The following SUZ12 variants were observed in gnomAD, a reference collection of about 807,000 sequenced individuals.
The protein encoded by SUZ12 is SUZ12 polycomb repressive complex 2 subunit.
In SUZ12, 17 loss-of-function variants were observed where a neutral mutation model predicts 87.3. The observed-to-expected ratio is 0.19, with a 90% confidence interval of 0.13 to 0.29. The LOEUF (loss-of-function observed/expected upper bound fraction) is 0.29, where lower values mean the gene tolerates loss of function less well. Among genes scored for constraint, SUZ12 ranks in the 10% least tolerant of loss-of-function variants. The pLI is 1.00. For synonymous variants in SUZ12, 253 were observed against 312.4 expected (o/e 0.81, Z 2.01); for missense variants, 526 against 912.2 (o/e 0.58, Z 5.45).
At chr17:31,997,895 A>T (rs1304226381) in intron 15 of SUZ12, among the ~76,000 whole-genome samples, 2 of 152,022 alleles carry the variant, frequency 1.3e-5, no homozygotes, top group African/African-American at 4.8e-5. Context: ...TTACCATTTC[A>T]TAGAGGTGAA....
At chr17:31,976,841 A>G (rs930890285) in intron 8 of SUZ12, among the ~76,000 whole-genome samples, 28 of 152,144 alleles carry the variant, frequency 1.8e-4, no homozygotes, top group Non-Finnish European at 3.1e-4. Context: ...TTTGGCGAAT[A>G]TTTTCTGAGT....
intron 10 of SUZ12, among the ~76,000 whole-genome samples, chr17:31,990,206 C>T (rs1423378503): frequency 6.7e-6 from 1 of 148,520 alleles, no homozygotes; most frequent in Non-Finnish European, 1.5e-5. Context: ...ATCTCCTGAC[C>T]TCATGGTCTG....
At chr17:31,960,000 A>AT (rs1276408986) in intron 4 of SUZ12, among the ~76,000 whole-genome samples, 1 of 152,152 alleles carries the variant, frequency 6.6e-6, no homozygotes, top group African/African-American at 2.4e-5. Flanking sequence ...TGTAAACTAG[A>AT]TTTTTTTGTG....
intron 1 of SUZ12, 41 bp downstream of exon 1, chr17:31,937,561 T>A (rs756202707): frequency 2.6e-6 from 4 of 1,528,526 alleles, no homozygotes; most frequent in Non-Finnish European, 3.5e-6. Flanking sequence ...AGACCCACTC[T>A]GCCAACACCG....
chr17:31,988,401 T>C lies in SUZ12; in HGVS notation c.1105T>C (p.Ser369Pro). Residue 369 changes from serine (S) to proline (P), a missense_variant, in exon 10 of 16, where the codon TCT becomes CCT. Around this residue, in one of 9 missense-constraint regions of SUZ12, gnomAD observed 85 missense variants for 87.4 expected, o/e 0.97. Coordinates refer to ENST00000322652, the MANE Select transcript of SUZ12 (RefSeq NM_015355.4). ...LRWTGETNDKSTAPIAKPLAT... is the reference protein window; with the variant it reads ...LRWTGETNDKPTAPIAKPLAT... ...TTGGACAGGAGAGACCAATGATAAA[T>C]CTACGGCTCCTATTGCCAAACCTCT... 6.2e-7 allele frequency: 1 copy of C among 1,613,914 alleles called. No individual in the cohort carries two copies. Among genetic ancestry groups the C allele is most frequent in the South Asian group, 1.1e-5 (1 of 90,990 alleles).
rs918390606 is a variant in SUZ12 at position 31,999,108 on chromosome 17, C to G, written c.*105C>G. 1.3e-5 allele frequency: 12 copies of G among 931,408 alleles called. No homozygotes were observed. The highest frequency in any genetic ancestry group is 1.7e-5 in the Non-Finnish European group (11 of 653,184). The allele number at this position is 931,408 out of a possible 1,614,324, so 57.7% of individuals were successfully genotyped here. ...TTTAATCATATGTTCCAAACAGGCA[C>G]TGTTAGATGAAGTAAATGATTTCAA... On this transcript the variant is annotated 3_prime_UTR_variant, in exon 16 of 16. Coordinates refer to ENST00000322652, the MANE Select transcript of SUZ12 (RefSeq NM_015355.4).
In SUZ12 at chr17:31,976,522, T is replaced by A. The variant is rs376946641; in HGVS notation, c.825T>A (p.Asp275Glu). ...ATGAGAAATGTTTGTTAAATTTAGA[T>A]GTCAATGAAGAGCTTCCAGCCAGAA... is the stretch of plus-strand genomic sequence containing the variant. Reference protein sequence around the residue: ...MINGETNENIDVNEELPARRK... With the variant: ...MINGETNENIEVNEELPARRK... Residue 275 changes from aspartate to glutamate, a missense_variant and splice_region_variant, in exon 8 of 16, where the codon GAT becomes GAA. Asp to Glu is a conservative substitution (Grantham distance 45). Coordinates refer to ENST00000322652, the MANE Select transcript of SUZ12 (RefSeq NM_015355.4). The A allele has an allele frequency of 2.1e-5, 34 of 1,611,382 alleles. No homozygotes were observed. Among genetic ancestry groups the A allele is most frequent in the Non-Finnish European group, 2.9e-5 (34 of 1,178,434 alleles).
At chr17:31,964,947 A>C (rs759665489) in intron 4 of SUZ12, among the ~76,000 whole-genome samples, 1 of 151,778 alleles carries the variant, frequency 6.6e-6, no homozygotes. Context: ...GCGCCATTGC[A>C]CTCCAACCTG....
At chr17:31,971,744 T>A (rs889378008) in intron 5 of SUZ12, among the ~76,000 whole-genome samples, 7 of 152,162 alleles carry the variant, frequency 4.6e-5, no homozygotes, top group Non-Finnish European at 8.8e-5. Flanking sequence ...TGCAACTGTT[T>A]TCATTTATGC....
chr17:31,977,004 G>A (rs2094685342), intron 8 of SUZ12, among the ~76,000 whole-genome samples: 1 of 152,186 alleles, frequency 6.6e-6, no homozygotes, highest in Non-Finnish European at 1.5e-5. Context: ...GAAAAATAGA[G>A]AATAAATGGT....
At chr17:31,980,466 T>TTTTTTTTTTTTTG (rs1909037343) in intron 8 of SUZ12, among the ~76,000 whole-genome samples, 1 of 111,356 alleles carries the variant, frequency 9.0e-6, no homozygotes, top group Non-Finnish European at 1.8e-5. Flanking sequence ...TTTTTTTTTT[T>TTTTTTTTTTTTTG]GAGACGGAGT....
intron 15 of SUZ12, among the ~76,000 whole-genome samples, 170 bp downstream of exon 15, chr17:31,997,047 T>A (rs956222761): frequency 3.9e-5 from 6 of 152,216 alleles, no homozygotes; most frequent in South Asian, 2.1e-4. Flanking sequence ...AGGTTTTTTT[T>A]AGGTACAAAG....
chr17:31,942,491 A>G (rs1039544548), intron 3 of SUZ12, among the ~76,000 whole-genome samples: 3 of 151,980 alleles, frequency 2.0e-5, no homozygotes, highest in African/African-American at 7.3e-5. Context: ...GCCCACCACC[A>G]CGCCTGGCTA....
intron 4 of SUZ12, among the ~76,000 whole-genome samples, chr17:31,955,036 G>C (rs1385212930): frequency 2.6e-5 from 4 of 152,170 alleles, no homozygotes; most frequent in African/African-American, 9.6e-5. Context: ...ACCCACACGG[G>C]AGTGCAGTGA....
At chr17:31,995,504 C>T (rs998845940) in intron 13 of SUZ12, 60 bp from the exon 14 acceptor site, 31 of 1,367,222 alleles carry the variant, frequency 2.3e-5, no homozygotes, top group Middle Eastern at 3.6e-4. Context: ...AACTCCTAGT[C>T]GTGAGGTTAG....
chr17:31,989,208 C>T (rs1016344677), intron 10 of SUZ12, among the ~76,000 whole-genome samples: 1 of 152,084 alleles, frequency 6.6e-6, no homozygotes, highest in Non-Finnish European at 1.5e-5. Flanking sequence ...CAGGTGAGAG[C>T]CACCTCTGCT....
rs1370974848 is a variant in SUZ12 at position 31,978,913 on chromosome 17, CT to C, written c.917+2300del. 4.6e-5 allele frequency among the ~76,000 whole-genome samples: 7 copies of C among 151,888 alleles called. No individual in the cohort carries two copies. The East Asian group carries it at 1.4e-3, about 30-fold the overall frequency. On this transcript the variant is annotated intron_variant, in intron 8 of 15. Coordinates refer to ENST00000322652, the MANE Select transcript of SUZ12 (RefSeq NM_015355.4). The stretch of plus-strand genomic sequence containing the variant: ...ACGAGGTCAAGAGATCGAGACCGTC[CT>C]GGCCAACATGGTGAAACCCCATCTC...
rs1228714607 is a variant in SUZ12, at chr17:31,999,060, C to T, written c.*57C>T. 4 of 1,374,778 alleles carry T rather than the reference C, an allele frequency of 2.9e-6. No homozygotes were observed. The highest frequency in any genetic ancestry group is 2.0e-4 in the Middle Eastern group (1 of 5,092). 85.2% of individuals were successfully genotyped at this position (1,374,778 alleles called of 1,614,324 possible). On this transcript the variant is annotated 3_prime_UTR_variant, in exon 16 of 16. Transcript: ENST00000322652. ...TGAAATTACATTTTAGGGAATTCAT[C>T]CTCTAAGAATTATGTTTTTGTTTTT...
chr17:31,939,638 C>G (rs924566384), intron 1 of SUZ12, among the ~76,000 whole-genome samples: 6 of 152,046 alleles, frequency 3.9e-5, no homozygotes, highest in African/African-American at 1.4e-4. Flanking sequence ...ATTCTCCTGC[C>G]TCAGCCTCCC....
Sources: allele counts gnomAD v4.1 joint callset (sites outside exome capture counted in the v4.1 genomes callset), GRCh38; gene constraint gnomAD v4.1.1; regional missense constraint gnomAD v4.1.1; transcripts MANE v1.5; gene names NCBI Gene and HGNC (gene_info 2026-07-23, HGNC 2026-07-21).